CYSTM1: variants seen among roughly 807,000 people sequenced by gnomAD.
The protein encoded by CYSTM1 is cysteine rich transmembrane module containing 1.
CYSTM1 carries 4 observed loss-of-function variants against 13.1 expected under a neutral mutation model. The ratio of observed to expected loss-of-function variants is 0.31; its 90% CI spans 0.15 to 0.70. The LOEUF (loss-of-function observed/expected upper bound fraction) is 0.70, where lower values mean the gene tolerates loss of function less well. CYSTM1 is among the 30% of genes least tolerant of loss of function. CYSTM1 has a pLI of 0.72. For synonymous variants in CYSTM1, 36 were observed against 42.7 expected (o/e 0.84, Z 0.62); for missense variants, 96 against 121.6 (o/e 0.79, Z 0.99).
At chr5:140,178,622 A>G (rs1010768037) in intron 1 of CYSTM1, among the ~76,000 whole-genome samples, 1 of 150,402 alleles carries the variant, frequency 6.6e-6, no homozygotes, top group Non-Finnish European at 1.5e-5. Flanking sequence ...TTTTTTTGAG[A>G]CAGGTTCTGG....
At chr5:140,217,297 A>G (rs1764440049) in intron 2 of CYSTM1, among the ~76,000 whole-genome samples, 1 of 152,094 alleles carries the variant, frequency 6.6e-6, no homozygotes, top group Non-Finnish European at 1.5e-5. Flanking sequence ...TTTGTGAAGG[A>G]TTAATATTTC....
At chr5:140,176,179 G>C (rs1410834622) in intron 1 of CYSTM1, among the ~76,000 whole-genome samples, 1 of 152,114 alleles carries the variant, frequency 6.6e-6, no homozygotes, top group Non-Finnish European at 1.5e-5. Context: ...TTGGGGTAGG[G>C]GGAACACTGA....
intron 2 of CYSTM1, among the ~76,000 whole-genome samples, chr5:140,241,457 G>C (rs1471721612): frequency 6.6e-6 from 1 of 152,220 alleles, no homozygotes; most frequent in African/African-American, 2.4e-5. Context: ...AAGAGAGCCT[G>C]TGAGGCCCCT....
intron 1 of CYSTM1, among the ~76,000 whole-genome samples, chr5:140,184,780 TC>T (rs1763997561): frequency 6.6e-6 from 1 of 152,230 alleles, no homozygotes; most frequent in Non-Finnish European, 1.5e-5. Flanking sequence ...TGATATGTTA[TC>T]CTCTGTTGAA....
At chr5:140,226,811 A>G (rs1400272590) in intron 2 of CYSTM1, among the ~76,000 whole-genome samples, 1 of 150,064 alleles carries the variant, frequency 6.7e-6, no homozygotes, top group African/African-American at 2.4e-5. Flanking sequence ...GACACAGGAA[A>G]GGATGAGCCC....
chr5:140,202,402 A>G (rs938713913), intron 2 of CYSTM1: 1 of 152,248 alleles, frequency 6.6e-6, no homozygotes, highest in African/African-American at 2.4e-5. Flanking sequence ...AGATCTTGCC[A>G]GAGCAGAATT....
intron 1 of CYSTM1, among the ~76,000 whole-genome samples, chr5:140,183,621 C>T (rs1035201954): frequency 1.4e-4 from 21 of 152,156 alleles, no homozygotes; most frequent in Admixed American, 1.3e-4. Context: ...GTGCTCCTCC[C>T]CGATATGGGG....
chr5:140,210,414 T>C (rs1353700136), intron 2 of CYSTM1, among the ~76,000 whole-genome samples: 1 of 152,170 alleles, frequency 6.6e-6, no homozygotes, highest in African/African-American at 2.4e-5. Context: ...TTATAACAAC[T>C]GAAAATGTCT....
intron 2 of CYSTM1, among the ~76,000 whole-genome samples, chr5:140,213,411 A>G (rs943436199): frequency 1.3e-5 from 2 of 152,182 alleles, no homozygotes; most frequent in African/African-American, 2.4e-5. Flanking sequence ...ATTTTTTTCA[A>G]AGTTACAGTA....
At chr5:140,198,465 C>T (rs186303084) in intron 2 of CYSTM1, among the ~76,000 whole-genome samples, 1 of 152,286 alleles carries the variant, frequency 6.6e-6, no homozygotes, top group African/African-American at 2.4e-5. Flanking sequence ...CTCCACGAGG[C>T]CTCTCTCAGC....
chr5:140,240,518 G>A (rs1169892332), intron 2 of CYSTM1, among the ~76,000 whole-genome samples: 3 of 151,822 alleles, frequency 2.0e-5, no homozygotes, highest in Non-Finnish European at 4.4e-5. Context: ...CAGGTAGCAT[G>A]GGGTGCCAGC....
chr5:140,210,194 A>G (rs773799895), intron 2 of CYSTM1, among the ~76,000 whole-genome samples: 9 of 152,166 alleles, frequency 5.9e-5, no homozygotes, highest in African/African-American at 1.2e-4. Flanking sequence ...GGCTACCACT[A>G]TAATGTAGAT....
intron 2 of CYSTM1, chr5:140,228,884 C>T (rs1182510656): frequency 1.5e-5 from 6 of 398,478 alleles, no homozygotes; most frequent in African/African-American, 1.2e-4. Flanking sequence ...CCTCCTGTTA[C>T]AGGAATAAAC....
At chr5:140,233,411 G>A (rs1764639750) in intron 2 of CYSTM1, among the ~76,000 whole-genome samples, 1 of 152,146 alleles carries the variant, frequency 6.6e-6, no homozygotes, top group Non-Finnish European at 1.5e-5. Flanking sequence ...AGGACCATTT[G>A]GGTTGTTTCT....
chr5:140,206,063 C>T (rs949342096), intron 2 of CYSTM1, among the ~76,000 whole-genome samples: 3 of 152,146 alleles, frequency 2.0e-5, no homozygotes, highest in Admixed American at 1.3e-4. Flanking sequence ...CCACTTTGCC[C>T]CTGCGCCCTC....
At chr5:140,232,415 T>C (rs1764627637) in intron 2 of CYSTM1, among the ~76,000 whole-genome samples, 2 of 152,104 alleles carry the variant, frequency 1.3e-5, no homozygotes, top group African/African-American at 2.4e-5. Flanking sequence ...AAGATGGCAG[T>C]GTAGGGCTGA....
chr5:140,212,593 C>A (rs1244917232), intron 2 of CYSTM1, among the ~76,000 whole-genome samples: 5 of 152,082 alleles, frequency 3.3e-5, no homozygotes, highest in Non-Finnish European at 2.9e-5. Flanking sequence ...AGGTGCATGC[C>A]ACCACACTCA....
rs1764723174 is a variant in CYSTM1, at chr5:140,239,590, A to G, written c.188-3715A>G. ...TGCCAGAAACTGCTCAGCTCTTCCC[A>G]AAGCTGCTGCGCACCTGAGACCCAG... On this transcript the variant is annotated intron_variant, in intron 2 of 2. Coordinates refer to ENST00000261811, the MANE Select transcript of CYSTM1 (RefSeq NM_032412.4). This position sits in a 1 kb window ranked among gnomAD's most constrained non-coding sequence, Gnocchi z 5.4. Among the ~76,000 whole-genome samples the G allele has an allele frequency of 6.6e-6, 1 of 152,222 alleles. No individual in the cohort carries two copies. Among genetic ancestry groups the G allele is most frequent in the Non-Finnish European group, 1.5e-5 (1 of 68,034 alleles).
At chr5:140,203,058 AT>A (rs1273137065) in intron 2 of CYSTM1, 1 of 152,152 alleles carries the variant, frequency 6.6e-6, no homozygotes, top group African/African-American at 2.4e-5. Context: ...GTCCCTCTGC[AT>A]GGTCTCTCAG....
Sources: gnomAD v4.1 joint callset for allele counts (sites outside exome capture counted in the v4.1 genomes callset) on GRCh38, gnomAD v4.1.1 for gene constraint, Gnocchi (gnomAD v3.1) non-coding constraint, MANE v1.5 for transcripts, NCBI Gene and HGNC (gene_info 2026-07-23, HGNC 2026-07-21) for gene names.